Variants in SMCO4 observed in about 807,000 individuals in gnomAD.
SMCO4 encodes the protein single-pass membrane and coiled-coil domain-containing protein 4.
In SMCO4, 4 loss-of-function variants were observed where a neutral mutation model predicts 3.6. The observed-to-expected ratio is 1.11, with a 90% CI of 0.54 to 2.53. SMCO4 has a LOEUF of 2.53. Ranked by LOEUF, SMCO4 falls within the 30% of genes most tolerant of loss-of-function variation. The pLI is 0.02. For missense variants in SMCO4, 70 were observed against 80.8 expected (o/e 0.87, Z 0.51); for synonymous variants, 36 against 35.3 (o/e 1.02, Z -0.07).
At chr11:93,553,293 A>C in the SMCO4 span, among the ~76,000 whole-genome samples, 4 of 152,204 alleles carry the variant, frequency 2.6e-5, no homozygotes, top group African/African-American at 9.6e-5. Context: ...TTATTTTCCC[A>C]GTGAGATGGT....
intron 2 of SMCO4, among the ~76,000 whole-genome samples, chr11:93,498,286 G>C (rs1948798119): frequency 6.6e-6 from 1 of 152,236 alleles, no homozygotes; most frequent in South Asian, 2.1e-4. Flanking sequence ...TAAACAGTTT[G>C]AGAAAAGGAA....
At chr11:93,546,297 T>C (rs1949315584), upstream of SMCO4, among the ~76,000 whole-genome samples, 1 of 152,248 alleles carries the variant, frequency 6.6e-6, no homozygotes, top group Non-Finnish European at 1.5e-5. Flanking sequence ...TTCATTGAAT[T>C]GGTTACTGAG....
At chr11:93,508,502 A>C (rs1948928864) in intron 1 of SMCO4, among the ~76,000 whole-genome samples, 1 of 152,224 alleles carries the variant, frequency 6.6e-6, no homozygotes, top group Non-Finnish European at 1.5e-5. Flanking sequence ...GAATATTAAA[A>C]TGTAATGATT....
intron 1 of SMCO4, among the ~76,000 whole-genome samples, chr11:93,525,064 C>T (rs1375538025): frequency 1.3e-5 from 2 of 152,196 alleles, no homozygotes; most frequent in African/African-American, 2.4e-5. Flanking sequence ...GGCCAAGGAG[C>T]CACTACTGTA....
chr11:93,553,918 A>G, the SMCO4 span, among the ~76,000 whole-genome samples: 1 of 152,196 alleles, frequency 6.6e-6, no homozygotes, highest in Non-Finnish European at 1.5e-5. Context: ...TCCTTTCAAT[A>G]ACCTGACATC....
intron 1 of SMCO4, among the ~76,000 whole-genome samples, chr11:93,534,249 C>T (rs1471167078): frequency 4.2e-4 from 28 of 66,006 alleles, no homozygotes; most frequent in Non-Finnish European, 7.1e-4. Flanking sequence ...CACACACACA[C>T]ACACACACAC....
intron 1 of SMCO4, chr11:93,537,773 T>C (rs1949240327): frequency 6.9e-6 from 1 of 145,336 alleles, no homozygotes; most frequent in Non-Finnish European, 1.5e-5. Flanking sequence ...CAAGAAGAGG[T>C]TCCCTCTTTG....
chr11:93,535,365 C>A, intron 1 of SMCO4: 1 of 693,484 alleles, frequency 1.4e-6, no homozygotes, highest in Non-Finnish European at 2.4e-6. Flanking sequence ...TATGGACCCA[C>A]CACTCTTAAC....
chr11:93,532,870 T>C (rs910176303), intron 1 of SMCO4, among the ~76,000 whole-genome samples: 5 of 152,184 alleles, frequency 3.3e-5, no homozygotes, highest in African/African-American at 1.2e-4. Flanking sequence ...AAACATGTCG[T>C]GTATTTTAAT....
At chr11:93,540,514 T>C (rs1406154379) in intron 1 of SMCO4, among the ~76,000 whole-genome samples, 1 of 152,248 alleles carries the variant, frequency 6.6e-6, no homozygotes, top group Non-Finnish European at 1.5e-5. Context: ...AAGAGTTTAC[T>C]TGTTGCTCTT....
chr11:93,542,647 G>A (rs1949280281), intron 1 of SMCO4, among the ~76,000 whole-genome samples: 1 of 152,090 alleles, frequency 6.6e-6, no homozygotes, highest in African/African-American at 2.4e-5. Flanking sequence ...AGATGCCAGA[G>A]GCGTACCCAG....
In SMCO4 at chr11:93,491,137, A is replaced by G. The variant is rs115127335; in HGVS notation, c.-81+8139T>C. 1.1e-3 allele frequency among the ~76,000 whole-genome samples: 174 copies of G among 152,352 alleles called. 2 individuals are homozygous for G. The highest frequency in any genetic ancestry group is 3.8e-3 in the African/African-American group (159 of 41,574). Reference sequence around the variant, plus strand: ...TAGGTACTTTAAAACAGCAGGTACTAAAAGTAAGCATGGCTAATTCATCAC... The same window carrying G: ...TAGGTACTTTAAAACAGCAGGTACTGAAAGTAAGCATGGCTAATTCATCAC... On this transcript the variant is annotated intron_variant, in intron 2 of 2. Transcript: ENST00000298966.
chr11:93,521,505 A>T (rs1949058363), intron 1 of SMCO4, among the ~76,000 whole-genome samples: 1 of 152,222 alleles, frequency 6.6e-6, no homozygotes, highest in Admixed American at 6.5e-5. Context: ...AGTCAGGCTT[A>T]AAAAAGTTAC....
At chr11:93,551,458 C>T in the SMCO4 span, among the ~76,000 whole-genome samples, 1 of 152,108 alleles carries the variant, frequency 6.6e-6, no homozygotes. Flanking sequence ...GTCTTGGGGC[C>T]CTGTCTCCCC....
intron 2 of SMCO4, among the ~76,000 whole-genome samples, chr11:93,492,698 G>C (rs749028031): frequency 5.9e-5 from 9 of 152,186 alleles, no homozygotes; most frequent in African/African-American, 9.7e-5. Flanking sequence ...CACAAGGCAG[G>C]AGCAGCCTGA....
upstream of SMCO4, among the ~76,000 whole-genome samples, chr11:93,546,528 G>C (rs180769745): frequency 8.0e-4 from 122 of 152,244 alleles, no homozygotes; most frequent in African/African-American, 2.9e-3. Flanking sequence ...CATCAGAGAT[G>C]GAGTTAGAGA....
chr11:93,541,612 CA>C (rs1444082679), intron 1 of SMCO4, among the ~76,000 whole-genome samples: 2 of 152,140 alleles, frequency 1.3e-5, no homozygotes. Context: ...TTCGGGTCCA[CA>C]GGTGAAATAC....
intron 1 of SMCO4, among the ~76,000 whole-genome samples, chr11:93,536,660 G>A (rs1391639476): frequency 3.3e-5 from 5 of 152,200 alleles, no homozygotes; most frequent in Non-Finnish European, 7.3e-5. Flanking sequence ...GGACCTGGAG[G>A]AGCTGGCACC....
chr11:93,504,398 A>G (rs1441773916), intron 1 of SMCO4, among the ~76,000 whole-genome samples: 1 of 152,246 alleles, frequency 6.6e-6, no homozygotes, highest in Non-Finnish European at 1.5e-5. Context: ...ATAACCTGAA[A>G]AGGTAAATAT....
Sources: gnomAD v4.1 joint callset for allele counts (sites outside exome capture counted in the v4.1 genomes callset) on GRCh38, gnomAD v4.1.1 for gene constraint, MANE v1.5 for transcripts, NCBI Gene and HGNC (gene_info 2026-07-23, HGNC 2026-07-21) for gene names.